WWOX: variants seen among roughly 807,000 people sequenced by gnomAD.
The protein encoded by WWOX is WW domain-containing oxidoreductase.
A neutral mutation model predicts 46.2 loss-of-function variants in WWOX; 69 were observed. The ratio of observed to expected loss-of-function variants is 1.49; its 90% confidence interval spans 1.23 to 1.82. The LOEUF is 1.82. Ranked by LOEUF, WWOX falls within the 40% of genes most tolerant of loss-of-function variation. The pLI is 0.00. For missense variants in WWOX, 919 were observed against 542.6 expected, an observed-to-expected ratio of 1.69 and a Z score of -6.89; for synonymous variants, 359 against 202.6, an observed-to-expected ratio of 1.77 and a Z score of -6.56.
chr16:78,898,661 G>C (rs2044756244), intron 8 of WWOX: 1 of 152,042 alleles, frequency 6.6e-6, no homozygotes, highest in Admixed American at 6.5e-5. Context: ...GCCTTGCTGG[G>C]AGTTTATTTG....
intron 8 of WWOX, among the ~76,000 whole-genome samples, chr16:78,943,920 C>G (rs931459808): frequency 2.0e-5 from 3 of 152,192 alleles, no homozygotes; most frequent in African/African-American, 7.2e-5. Context: ...ATCATTCCTG[C>G]TACCCAAGGC....
chr16:78,646,685 C>G (rs1298892067), intron 8 of WWOX, among the ~76,000 whole-genome samples: 1 of 152,168 alleles, frequency 6.6e-6, no homozygotes, highest in Non-Finnish European at 1.5e-5. Flanking sequence ...TACTGGGCCT[C>G]CCGTAGTGAT....
At chr16:79,149,674 T>G (rs955443711) in intron 8 of WWOX, among the ~76,000 whole-genome samples, 1 of 152,240 alleles carries the variant, frequency 6.6e-6, no homozygotes, top group Admixed American at 6.5e-5. Flanking sequence ...TGCCTGCTTA[T>G]ATTTTCATCT....
chr16:79,071,549 G>C (rs375576013), intron 8 of WWOX, among the ~76,000 whole-genome samples: 1 of 152,164 alleles, frequency 6.6e-6, no homozygotes, highest in East Asian at 1.9e-4. Context: ...AGCTGTTTCA[G>C]GTTTTTAGAG....
At chr16:78,528,553 T>A (rs2043538930) in intron 8 of WWOX, among the ~76,000 whole-genome samples, 1 of 152,116 alleles carries the variant, frequency 6.6e-6, no homozygotes. Flanking sequence ...TAAGTGGAGG[T>A]AAGAGAATGT....
intron 8 of WWOX, among the ~76,000 whole-genome samples, chr16:78,779,009 G>C (rs1467193110): frequency 6.6e-6 from 1 of 152,176 alleles, no homozygotes; most frequent in Non-Finnish European, 1.5e-5. Flanking sequence ...GGGATGACCA[G>C]TCTGAATAAA....
intron 5 of WWOX, among the ~76,000 whole-genome samples, chr16:78,224,749 A>G (rs1414205359): frequency 6.6e-6 from 1 of 152,218 alleles, no homozygotes; most frequent in Admixed American, 6.5e-5. Context: ...TGAGGCTACT[A>G]TTTTCCAGTA....
At chr16:78,546,197 C>T (rs750903098) in intron 8 of WWOX, among the ~76,000 whole-genome samples, 11 of 152,108 alleles carry the variant, frequency 7.2e-5, no homozygotes, top group Non-Finnish European at 1.2e-4. Flanking sequence ...ACTAATACAG[C>T]TTAGAACAGA....
At chr16:78,936,165 T>C (rs897965712) in intron 8 of WWOX, among the ~76,000 whole-genome samples, 4 of 151,966 alleles carry the variant, frequency 2.6e-5, no homozygotes, top group Non-Finnish European at 5.9e-5. Flanking sequence ...TGGACAGAAA[T>C]AGAGAAGGCA....
chr16:78,517,855 A>ATTTTTTTTTTTTTTTTTT (rs11342538), intron 8 of WWOX, among the ~76,000 whole-genome samples: 2 of 86,400 alleles, frequency 2.3e-5, no homozygotes, highest in Non-Finnish European at 4.5e-5. Context: ...TACACAACCT[A>ATTTTTTTTTTTTTTTTTT]TTTTTTTTTT....
rs2045568222 is a variant in WWOX, at chr16:78,929,290, C to G, written c.1057-282318C>G. On this transcript the variant is annotated intron_variant, in intron 8 of 8. Coordinates refer to ENST00000566780, the MANE Select transcript of WWOX (RefSeq NM_016373.4). ...TGTATTTAAGTTTCCTAGCAGTTCT[C>G]TTTTTTAAGAGCCTCAAGTGTCCAA... 2.0e-5 allele frequency among the ~76,000 whole-genome samples: 3 copies of G among 151,124 alleles called. 1 individual carries two copies. The highest frequency in any genetic ancestry group is 4.2e-4 in the South Asian group (2 of 4,758).
In WWOX at chr16:79,144,806, TGAGA is replaced by T. The variant is rs78057121; in HGVS notation, c.1057-66793_1057-66790del. 4.6e-3 allele frequency among the ~76,000 whole-genome samples: 697 copies of T among 152,274 alleles called. 3 individuals are homozygous for T. Among genetic ancestry groups the T allele is most frequent in the South Asian group, 0.017 (81 of 4,822 alleles). On this transcript the variant is annotated intron_variant, in intron 8 of 8. Transcript: ENST00000566780. ...ATATATTACTTACAATATGATATTT[TGAGA>T]GAGAGAGACCACATTTATGTAACTT...
intron 5 of WWOX, among the ~76,000 whole-genome samples, chr16:78,194,723 C>T (rs1047917073): frequency 6.6e-6 from 1 of 152,068 alleles, no homozygotes; most frequent in African/African-American, 2.4e-5. Flanking sequence ...CACCCCCAAC[C>T]CCAAACCCCT....
intron 5 of WWOX, among the ~76,000 whole-genome samples, chr16:78,202,520 C>A (rs1283204190): frequency 6.6e-6 from 1 of 151,860 alleles, no homozygotes; most frequent in Non-Finnish European, 1.5e-5. Flanking sequence ...CCATCACATT[C>A]ATTGACTTGG....
At chr16:78,330,832 C>A (rs533028924) in intron 5 of WWOX, among the ~76,000 whole-genome samples, 28 of 152,336 alleles carry the variant, frequency 1.8e-4, no homozygotes, top group African/African-American at 5.8e-4. Context: ...TTTCAAACTT[C>A]CTCCTGGAAA....
chr16:79,120,522 C>T (rs1312129547), intron 8 of WWOX, among the ~76,000 whole-genome samples: 1 of 152,158 alleles, frequency 6.6e-6, no homozygotes, highest in African/African-American at 2.4e-5. Context: ...TTTTTTGTGG[C>T]TGCTGTAATA....
intron 7 of WWOX, among the ~76,000 whole-genome samples, chr16:78,429,769 A>G (rs887639286): frequency 6.6e-6 from 1 of 152,208 alleles, no homozygotes; most frequent in Non-Finnish European, 1.5e-5. Flanking sequence ...GCACAAATAT[A>G]TTTTCAATTC....
chr16:78,378,116 G>A (rs770143764), intron 5 of WWOX, among the ~76,000 whole-genome samples: 4 of 148,850 alleles, frequency 2.7e-5, no homozygotes, highest in Non-Finnish European at 6.0e-5. Flanking sequence ...GCGTCCCCCC[G>A]CCCTGCCCCC....
chr16:78,395,460 C>T (rs76463797), intron 6 of WWOX, among the ~76,000 whole-genome samples: 5,759 of 152,160 alleles, frequency 0.038, 357 homozygotes, highest in African/African-American at 0.13. Flanking sequence ...TGGAGGCTGC[C>T]ATGATCATGC....
Sources: gnomAD v4.1 joint callset for allele counts (sites outside exome capture counted in the v4.1 genomes callset) on GRCh38, gnomAD v4.1.1 for gene constraint, MANE v1.5 for transcripts, NCBI Gene and HGNC (gene_info 2026-07-23, HGNC 2026-07-21) for gene names.